The following KLHDC4 variants were observed in gnomAD, a reference collection of about 807,000 sequenced individuals.
KLHDC4 encodes the protein kelch domain containing 4, also known as kelch domain-containing protein 4.
Under a neutral mutation model 62.4 loss-of-function variants are expected in KLHDC4, and 90 were observed. The observed-to-expected ratio is 1.44, with a 90% confidence interval of 1.22 to 1.72. The LOEUF (loss-of-function observed/expected upper bound fraction) is 1.72. KLHDC4 is among the 40% of genes most tolerant of loss of function. KLHDC4 has a pLI of 0.00. For synonymous variants in KLHDC4, 386 were observed against 284.4 expected (o/e 1.36, Z -3.59); for missense variants, 1,025 against 699.7 (o/e 1.47, Z -5.25).
chr16:87,738,350 C>T (rs1043720650), intron 5 of KLHDC4, among the ~76,000 whole-genome samples: 3 of 145,034 alleles, frequency 2.1e-5, no homozygotes, highest in Non-Finnish European at 4.5e-5. Flanking sequence ...TGCGCACACA[C>T]GGACGTGCAC....
intron 4 of KLHDC4, among the ~76,000 whole-genome samples, chr16:87,752,564 T>C (rs972383115): frequency 2.0e-5 from 3 of 152,030 alleles, no homozygotes; most frequent in Non-Finnish European, 2.9e-5. Context: ...CTCGATCTCC[T>C]GACCTTGTGA....
At chr16:87,721,872 G>C (rs2038422376) in intron 7 of KLHDC4, among the ~76,000 whole-genome samples, 1 of 152,124 alleles carries the variant, frequency 6.6e-6, no homozygotes, top group African/African-American at 2.4e-5. Flanking sequence ...CCCGTCCTCA[G>C]CAGGACTCCG....
chr16:87,709,255 C>T lies in KLHDC4; in HGVS notation c.1447+10G>A, dbSNP rs767236469. The stretch of plus-strand genomic sequence containing the variant: ...TCCCGGGCACGGAGGCACCAAGCTG[C>T]CTGGCTCACCTGGGTCCATCTCCAC... On this transcript the variant is annotated intron_variant, in intron 10 of 11. Coordinates refer to ENST00000270583, the MANE Select transcript of KLHDC4 (RefSeq NM_017566.4). 1.9e-6 allele frequency: 3 copies of T among 1,601,460 alleles called. No individual in the cohort carries two copies. Among genetic ancestry groups the T allele is most frequent in the Non-Finnish European group, 2.6e-6 (3 of 1,173,136 alleles).
intron 7 of KLHDC4, among the ~76,000 whole-genome samples, chr16:87,715,832 C>T (rs2036854464): frequency 6.6e-6 from 1 of 152,214 alleles, no homozygotes; most frequent in African/African-American, 2.4e-5. Flanking sequence ...TTGACACAGA[C>T]TTCGGCCACG....
At chr16:87,718,648 T>G (rs1156638808) in intron 7 of KLHDC4, among the ~76,000 whole-genome samples, 1 of 147,160 alleles carries the variant, frequency 6.8e-6, no homozygotes, top group Non-Finnish European at 1.5e-5. Context: ...GGCCGCCACC[T>G]CGTCTGGGAA....
At chr16:87,721,125 A>G (rs2038222453) in intron 7 of KLHDC4, among the ~76,000 whole-genome samples, 1 of 152,232 alleles carries the variant, frequency 6.6e-6, no homozygotes, top group Admixed American at 6.5e-5. Context: ...CGCCATTAAA[A>G]AATACACCCA....
chr16:87,739,042 TCTCATCCATCCACACACCAGCAC>T (rs2041836231), intron 5 of KLHDC4, among the ~76,000 whole-genome samples: 49 of 52,868 alleles, frequency 9.3e-4, no homozygotes, highest in Non-Finnish European at 1.2e-3. Flanking sequence ...CACACCAGCA[TCTCATCCATCCACACACCAGCAC>T]CTCATCCATC....
chr16:87,757,767 C>T (rs932857800), intron 2 of KLHDC4, among the ~76,000 whole-genome samples: 1 of 151,962 alleles, frequency 6.6e-6, no homozygotes, highest in African/African-American at 2.4e-5. Flanking sequence ...TGGTGGGCAC[C>T]TGTAATCCCA....
rs868782503 is a variant in KLHDC4 at position 87,700,454 on chromosome 16, A to T, written c.*1185T>A. On this transcript the variant is annotated 3_prime_UTR_variant, in exon 1 of 1. Transcript: ENST00000446344. ...CCCAGGACCAAGACCCCGATTCCAG[A>T]TAAGGCGGAGGGAGGAGGGCAGGGG... The T allele has an allele frequency of 3.8e-5, 6 of 156,180 alleles. No individual in the cohort carries two copies. The Middle Eastern group carries it at 2.0e-3, about 53-fold the overall frequency. The allele number at this position is 156,180 out of a possible 1,614,324, so 9.7% of individuals were successfully genotyped here.
intron 5 of KLHDC4, among the ~76,000 whole-genome samples, chr16:87,735,601 AGG>A (rs2041179479): frequency 6.6e-6 from 1 of 152,256 alleles, no homozygotes; most frequent in Admixed American, 6.5e-5. Flanking sequence ...TCTACCTAAA[AGG>A]GGAAAATTTT....
chr16:87,721,350 C>T (rs2038281327), intron 7 of KLHDC4, among the ~76,000 whole-genome samples: 1 of 146,152 alleles, frequency 6.8e-6, no homozygotes, highest in African/African-American at 2.6e-5. Context: ...GTGGGTGGAG[C>T]TTGCAGTGCG....
downstream of KLHDC4, among the ~76,000 whole-genome samples, chr16:87,706,015 T>A (rs974391758): frequency 6.8e-6 from 1 of 146,684 alleles, no homozygotes; most frequent in African/African-American, 2.6e-5. Flanking sequence ...CTCAGGGGGT[T>A]GGCACAAGGC....
At chr16:87,760,234 TAA>T (rs559070076) in intron 2 of KLHDC4, among the ~76,000 whole-genome samples, 5 of 109,898 alleles carry the variant, frequency 4.5e-5, no homozygotes, top group Admixed American at 9.5e-5. Flanking sequence ...AAAATATCAT[TAA>T]AAAAAAAAAA....
chr16:87,757,523 C>T lies in KLHDC4; in HGVS notation c.192-1046G>A, dbSNP rs1421706905. 7 of 151,372 alleles carry T rather than the reference C, an allele frequency of 4.6e-5. No homozygotes were observed. In the East Asian group the frequency reaches 1.4e-3, roughly 30 times the overall value. 9.4% of individuals were successfully genotyped at this position (151,372 alleles called of 1,614,324 possible). A position where few individuals can be genotyped will look rare whatever the true frequency, so the allele number is the denominator to read the frequency against. On this transcript the variant is annotated intron_variant, in intron 2 of 11. Transcript: ENST00000270583. ...CTTCAATATACATGCCAGATATCTT[C>T]CATCTAGAAAATACAAACAACTTTC...
Position 87,709,633 on chromosome 16 carries a change from C to G in KLHDC4, c.1079G>C (p.Gly360Ala). 1 of 1,606,476 alleles carries G rather than the reference C, an allele frequency of 6.2e-7. No homozygotes were observed. ...ACCACCTTCGGGCTCCTCTTTTCTG[C>G]CCCGCCTGCGTTTCTTCTTTTCAGA... ...PKSEKKKRRR[G>A]RKEEPEGGSR... The change falls in exon 10 of 12, where the codon GGC (glycine) becomes GCC (alanine). Residue 360 changes from glycine (G) to alanine (A), a missense_variant. Coordinates refer to ENST00000270583, the MANE Select transcript of KLHDC4 (RefSeq NM_017566.4).
In KLHDC4 at chr16:87,756,431, G is replaced by A; in HGVS notation, c.238C>T (p.Leu80Phe). 6 of 1,613,818 alleles carry A rather than the reference G, an allele frequency of 3.7e-6. No individual in the cohort carries two copies. The highest frequency in any genetic ancestry group is 5.1e-6 in the Non-Finnish European group (6 of 1,179,782). ...SVHPEKDELILFGGEYFNGQK... is the reference protein window; with the variant it reads ...SVHPEKDELIFFGGEYFNGQK... ...CCGTTGAAATATTCACCTCCAAAAA[G>A]GATTAACTCATCTTTCTCAGGATGA... The change falls in exon 3 of 12, where the codon CTT (leucine) becomes TTT (phenylalanine). Residue 80 changes from leucine to phenylalanine, a missense_variant. Leu to Phe is a conservative substitution (Grantham distance 22). Transcript: ENST00000270583.
chr16:87,760,721 C>A (rs1345788701), intron 2 of KLHDC4, among the ~76,000 whole-genome samples: 1 of 151,866 alleles, frequency 6.6e-6, no homozygotes, highest in African/African-American at 2.4e-5. Context: ...TTTATTTGCT[C>A]CAATAACTCA....
intron 5 of KLHDC4, chr16:87,730,853 T>G (rs2040224279): frequency 4.1e-6 from 2 of 489,120 alleles, no homozygotes; most frequent in Non-Finnish European, 7.2e-6. Context: ...ACCTCAAGAA[T>G]AAAACAGGAG....
intron 5 of KLHDC4, among the ~76,000 whole-genome samples, chr16:87,746,909 T>C (rs1270782304): frequency 6.6e-6 from 1 of 152,226 alleles, no homozygotes; most frequent in Non-Finnish European, 1.5e-5. Context: ...TATCAGACAA[T>C]CCAGACCCAG....
Sources: gnomAD v4.1 joint callset for allele counts (sites outside exome capture counted in the v4.1 genomes callset) on GRCh38, gnomAD v4.1.1 for gene constraint, MANE v1.5 for transcripts, NCBI Gene and HGNC (gene_info 2026-07-23, HGNC 2026-07-21) for gene names.